IQSEC3: variants seen among roughly 807,000 people sequenced by gnomAD.
The protein encoded by IQSEC3 is IQ motif and Sec7 domain ArfGEF 3.
Under a neutral mutation model 105.4 loss-of-function variants are expected in IQSEC3, and 50 were observed. The ratio of observed to expected loss-of-function variants is 0.47; its 90% CI spans 0.38 to 0.60. The LOEUF is 0.60. Ranked by LOEUF, IQSEC3 falls within the 20% of genes least tolerant of loss-of-function variation. IQSEC3 has a pLI of 0.00. For missense variants in IQSEC3, 1,415 were observed against 1,630.0 expected (o/e 0.87, Z 2.27); for synonymous variants, 708 against 746.0 (o/e 0.95, Z 0.83).
Position 126,158 on chromosome 12 carries a change from C to G in IQSEC3, c.903+246C>G, listed in dbSNP as rs893553899. Among the ~76,000 whole-genome samples, 4 of 152,228 alleles carry G rather than the reference C, an allele frequency of 2.6e-5. No individual in the cohort carries two copies. In the East Asian group the frequency reaches 7.7e-4, roughly 29 times the overall value. On this transcript the variant is annotated intron_variant, in intron 3 of 13. Transcript: ENST00000538872. ...CCCTTGGGCAGCACGTCCAGGGGCT[C>G]TGCTCCTCACACAGTGCTCAGCAAG...
chr12:121,685 C>T (rs1397870630), intron 2 of IQSEC3, among the ~76,000 whole-genome samples: 1 of 152,144 alleles, frequency 6.6e-6, no homozygotes, highest in Non-Finnish European at 1.5e-5. Flanking sequence ...TGAAGGTTGA[C>T]AAGGGGGCTA....
chr12:95,352 C>CA (rs569901679), intron 1 of IQSEC3, among the ~76,000 whole-genome samples: 8 of 152,064 alleles, frequency 5.3e-5, no homozygotes, highest in African/African-American at 1.7e-4. Flanking sequence ...TAATCTGTAA[C>CA]AAAAAATGTA....
At position 141,206 on chromosome 12, in the gene IQSEC3, C is replaced by T. The variant is rs1866009996; in HGVS notation, c.2074C>T (p.Gln692Ter). The change falls in exon 5 of 14, where the codon CAG becomes TAG. Residue 692 changes from glutamine to a stop codon, truncating the protein, a stop_gained. Coordinates refer to ENST00000538872, the MANE Select transcript of IQSEC3 (RefSeq NM_001170738.2). LOFTEE classifies it high-confidence loss of function. ...CATCGGTGTGGCCCATTTCCTCCTC[C>T]AGCGAAAGGGCCTCAGCCGCCAGAT... is the stretch of plus-strand genomic sequence containing the variant. ...TPIGVAHFLL[Q>*]RKGLSRQMIG... 1 of 1,613,826 alleles carries T rather than the reference C, an allele frequency of 6.2e-7. No individual in the cohort carries two copies. The highest frequency in any genetic ancestry group is 1.7e-5 in the Admixed American group (1 of 59,998).
intron 2 of IQSEC3, chr12:106,501 T>C (rs1864657523): frequency 1.3e-5 from 2 of 152,378 alleles, no homozygotes; most frequent in Middle Eastern, 3.4e-3. Context: ...GCAGAGAATA[T>C]TTTTAGGGAC....
At chr12:78,761 G>C (rs1285208142) in intron 1 of IQSEC3, among the ~76,000 whole-genome samples, 2 of 152,054 alleles carry the variant, frequency 1.3e-5, no homozygotes, top group Non-Finnish European at 2.9e-5. Flanking sequence ...CACCCTCCTG[G>C]GATTGCTGGG....
chr12:99,287 C>A, intron 2 of IQSEC3, 73 bp downstream of exon 2: 2 of 1,378,594 alleles, frequency 1.5e-6, no homozygotes, highest in Non-Finnish European at 2.0e-6. Context: ...CGTACCACTG[C>A]ACTAGCTATT....
intron 1 of IQSEC3, among the ~76,000 whole-genome samples, chr12:98,838 G>A (rs1864322929): frequency 2.0e-5 from 3 of 152,218 alleles, no homozygotes; most frequent in South Asian, 4.1e-4. Flanking sequence ...ACATGCACGC[G>A]AAAGAGCCTG....
chr12:110,708 G>T (rs921923301), intron 2 of IQSEC3, among the ~76,000 whole-genome samples: 2 of 152,180 alleles, frequency 1.3e-5, no homozygotes, highest in Non-Finnish European at 2.9e-5. Context: ...GTATAAAAAT[G>T]GGGTCATAAA....
rs938861058 is a variant in IQSEC3, at chr12:175,932, G to A, written c.*899G>A. 1 of 152,174 alleles carries A rather than the reference G, an allele frequency of 6.6e-6. No individual in the cohort carries two copies. Among genetic ancestry groups the A allele is most frequent in the Non-Finnish European group, 1.5e-5 (1 of 68,084 alleles). 9.4% of individuals were successfully genotyped at this position (152,174 alleles called of 1,614,324 possible). On this transcript the variant is annotated 3_prime_UTR_variant, in exon 14 of 14. Coordinates refer to ENST00000538872, the MANE Select transcript of IQSEC3 (RefSeq NM_001170738.2). Reference sequence around the variant, plus strand: ...CTGTGGAAGCAGAACTGGAGACGGGGCAGGAATGTGCCCAGCAGAGATGGG... The same window carrying A: ...CTGTGGAAGCAGAACTGGAGACGGGACAGGAATGTGCCCAGCAGAGATGGG...
At chr12:132,525 G>T (rs1349351924) in intron 3 of IQSEC3, among the ~76,000 whole-genome samples, 1 of 152,148 alleles carries the variant, frequency 6.6e-6, no homozygotes, top group Admixed American at 6.5e-5. Context: ...TGCTGGCATG[G>T]TCCAAGTGGG....
At chr12:164,200 G>A (rs565570745) in intron 9 of IQSEC3, among the ~76,000 whole-genome samples, 5 of 152,260 alleles carry the variant, frequency 3.3e-5, no homozygotes, top group Non-Finnish European at 5.9e-5. Flanking sequence ...TGTCTCCCTC[G>A]CACCGGCCCT....
At chr12:76,004 T>C (rs1863505521) in intron 1 of IQSEC3, among the ~76,000 whole-genome samples, 1 of 152,314 alleles carries the variant, frequency 6.6e-6, no homozygotes, top group South Asian at 2.1e-4. Flanking sequence ...GAGAGCCCTC[T>C]ACTCCCTCTG....
At chr12:162,874 G>A (rs1489785759) in intron 8 of IQSEC3, among the ~76,000 whole-genome samples, 2 of 152,138 alleles carry the variant, frequency 1.3e-5, no homozygotes. Context: ...CGCAGCCTGG[G>A]GCAGGGGATG....
intron 1 of IQSEC3, among the ~76,000 whole-genome samples, chr12:87,116 A>G (rs1205140373): frequency 7.2e-5 from 11 of 152,022 alleles, no homozygotes; most frequent in Admixed American, 5.2e-4. Flanking sequence ...TTGCTCAGAA[A>G]TCTGTAGTTT....
intron 5 of IQSEC3, 44 bp from the exon 6 acceptor site, chr12:156,971 TTGGAGGGTGC>T: frequency 6.7e-7 from 1 of 1,493,938 alleles, no homozygotes; most frequent in Non-Finnish European, 9.0e-7. Flanking sequence ...AGAATGGGTG[TTGGAGGGTGC>T]TTAGGGTGCC....
At chr12:163,996 G>T (rs1187166547) in intron 9 of IQSEC3, among the ~76,000 whole-genome samples, 5 of 152,230 alleles carry the variant, frequency 3.3e-5, no homozygotes, top group Non-Finnish European at 7.3e-5. Context: ...GGCGGAGCAT[G>T]CTCTGTCCCT....
Position 89,383 on chromosome 12 carries a change from G to A in IQSEC3, c.555-9763G>A, listed in dbSNP as rs959344506. Among the ~76,000 whole-genome samples the A allele has an allele frequency of 3.1e-4, 47 of 152,194 alleles. 1 individual carries two copies. The highest frequency in any genetic ancestry group is 1.1e-3 in the African/African-American group (46 of 41,448). ...AAATTAGAAAGGAAATTATTCTAAA[G>A]CCTCTTGATAAAATAGCAAGAAATG... On this transcript the variant is annotated intron_variant, in intron 1 of 13. Transcript: ENST00000538872.
intron 13 of IQSEC3, among the ~76,000 whole-genome samples, chr12:173,791 C>T (rs573761404): frequency 6.6e-6 from 1 of 152,328 alleles, no homozygotes; most frequent in African/African-American, 2.4e-5. Flanking sequence ...ATCTCCTCCA[C>T]CTCCCGCTGG....
At chr12:165,026 T>C (rs1324873650) in intron 9 of IQSEC3, among the ~76,000 whole-genome samples, 13 of 152,100 alleles carry the variant, frequency 8.5e-5, no homozygotes, top group African/African-American at 3.1e-4. Flanking sequence ...ACTTAAGTAA[T>C]GAGAGTAATG....
Sources: gnomAD v4.1 joint callset for allele counts (sites outside exome capture counted in the v4.1 genomes callset) on GRCh38, gnomAD v4.1.1 for gene constraint, MANE v1.5 for transcripts, NCBI Gene and HGNC (gene_info 2026-07-23, HGNC 2026-07-21) for gene names.